Variants in CFH observed in about 807,000 individuals in gnomAD.
CFH encodes the protein H factor 1 (complement).
CFH carries 53 observed loss-of-function variants against 147.3 expected under a neutral mutation model. That is an observed-to-expected ratio of 0.36 (90% CI 0.29 to 0.45). The LOEUF is 0.45. CFH is among the 20% of genes least tolerant of loss of function. CFH has a pLI of 1.00. For synonymous variants in CFH, 536 were observed against 489.4 expected (o/e 1.10, Z -1.26); for missense variants, 1,380 against 1,498.0 (o/e 0.92, Z 1.30).
intron 1 of CFH, among the ~76,000 whole-genome samples, chr1:196,671,587 TACACACACACACAC>T (rs551313147): frequency 5.3e-4 from 69 of 129,490 alleles, no homozygotes; most frequent in Non-Finnish European, 9.1e-4. Context: ...AAAAGACTAA[TACACACACACACAC>T]ACACACACAC....
chr1:196,677,762 C>A, intron 5 of CFH, 95 bp downstream of exon 5: 3 of 1,174,352 alleles, frequency 2.6e-6, no homozygotes, highest in Non-Finnish European at 3.8e-6. Flanking sequence ...GCAATATTAA[C>A]AATAGCTAAT....
intron 9 of CFH, among the ~76,000 whole-genome samples, chr1:196,709,426 TCTC>T: frequency 6.6e-6 from 1 of 152,146 alleles, no homozygotes; most frequent in East Asian, 1.9e-4. Flanking sequence ...ATCCTGACTC[TCTC>T]TCTGTGCCCC....
chr1:196,690,767 G>A lies in CFH; in HGVS notation c.1336+528G>A, dbSNP rs553715929. Among the ~76,000 whole-genome samples, 521 of 152,216 alleles carry A rather than the reference G, an allele frequency of 3.4e-3. 6 individuals carry two copies. The highest frequency in any genetic ancestry group is 0.012 in the African/African-American group (496 of 41,542). On this transcript the variant is annotated intron_variant, in intron 9 of 21. Coordinates refer to ENST00000367429, the MANE Select transcript of CFH (RefSeq NM_000186.4). ...GTGTCTGATTTACATAGGGCCCAAAGATTGGTTAAACTAGGTGTGACATTT... is the reference window on the plus strand; with the variant it reads ...GTGTCTGATTTACATAGGGCCCAAAAATTGGTTAAACTAGGTGTGACATTT...
chr1:196,722,529 C>A (rs1016364065), intron 11 of CFH, among the ~76,000 whole-genome samples: 1 of 152,058 alleles, frequency 6.6e-6, no homozygotes, highest in African/African-American at 2.4e-5. Flanking sequence ...TTTTCCCGTT[C>A]ACATTGACTT....
chr1:196,744,309 C>T (rs967965942), intron 20 of CFH, among the ~76,000 whole-genome samples: 3 of 151,826 alleles, frequency 2.0e-5, no homozygotes, highest in African/African-American at 7.3e-5. Flanking sequence ...TGCACTTGGA[C>T]CATTTACACT....
intron 9 of CFH, among the ~76,000 whole-genome samples, chr1:196,710,462 G>C (rs994641177): frequency 4.6e-5 from 7 of 152,168 alleles, no homozygotes; most frequent in Middle Eastern, 3.4e-3. Flanking sequence ...ATTCTTCCAC[G>C]TGTTTGTCCT....
rs575989334 is a variant in CFH at position 196,661,881 on chromosome 1, G to T, written c.58+9706G>T. Among the ~76,000 whole-genome samples, 10 of 151,734 alleles carry T rather than the reference G, an allele frequency of 6.6e-5. 1 individual carries two copies. The South Asian group carries it at 2.1e-3, about 32-fold the overall frequency. ...ATCTACCTACTTAAAAAGAGGTTTT[G>T]TTTTGTTTGTTTTGTTTTGTTTTGT... On this transcript the variant is annotated intron_variant, in intron 1 of 21. Coordinates refer to ENST00000367429, the MANE Select transcript of CFH (RefSeq NM_000186.4).
chr1:196,653,313 G>T (rs1476446048), intron 1 of CFH, among the ~76,000 whole-genome samples: 1 of 151,616 alleles, frequency 6.6e-6, no homozygotes. Flanking sequence ...TTTAAATGAA[G>T]AAAACAATTA....
chr1:196,657,772 T>C (rs1394341196), intron 1 of CFH, among the ~76,000 whole-genome samples: 3 of 152,208 alleles, frequency 2.0e-5, no homozygotes, highest in African/African-American at 7.2e-5. Context: ...AGAAGTAGGC[T>C]ATTTAAAAAA....
Position 196,713,834 on chromosome 1 carries a change from T to C in CFH, c.1436T>C (p.Leu479Pro), listed in dbSNP as rs1230063532. The C allele has an allele frequency of 8.1e-6, 13 of 1,612,604 alleles. No individual in the cohort carries two copies. The highest frequency in any genetic ancestry group is 1.1e-5 in the Non-Finnish European group (13 of 1,179,052). Residue 479 changes from leucine to proline, a missense_variant, in exon 10 of 22, where the codon CTA becomes CCA. By Grantham distance (98) the Leu-to-Pro change is moderately conservative (BLOSUM62 -3). Transcript: ENST00000367429. ...GAAAAAGCGAAATATCAATGCAAAC[T>C]AGGATATGTAACAGCAGATGGTGAA... ...LKEKAKYQCK[L>P]GYVTADGETS...
intron 4 of CFH, chr1:196,677,240 C>G (rs1387319388): frequency 2.3e-6 from 1 of 433,532 alleles, no homozygotes; most frequent in Non-Finnish European, 4.2e-6. Flanking sequence ...TACAAGCTAG[C>G]ATTGAAAGTA....
intron 1 of CFH, among the ~76,000 whole-genome samples, chr1:196,664,989 C>T (rs1667033124): frequency 6.6e-6 from 1 of 151,480 alleles, no homozygotes; most frequent in Non-Finnish European, 1.5e-5. Flanking sequence ...TTTATATTAC[C>T]TAATTTTCCA....
At chr1:196,729,528 T>C (rs1669232731) in intron 15 of CFH, among the ~76,000 whole-genome samples, 1 of 151,994 alleles carries the variant, frequency 6.6e-6, no homozygotes, top group Non-Finnish European at 1.5e-5. Context: ...CCTATGTTCA[T>C]CAGGGGATTT....
intron 9 of CFH, among the ~76,000 whole-genome samples, chr1:196,696,600 A>T (rs1003052884): frequency 2.6e-5 from 4 of 152,220 alleles, no homozygotes; most frequent in African/African-American, 9.6e-5. Flanking sequence ...CTTTGGCAGC[A>T]TGCCATCCCC....
intron 1 of CFH, 60 bp downstream of exon 1, chr1:196,652,235 T>C: frequency 7.8e-7 from 1 of 1,286,526 alleles, no homozygotes; most frequent in South Asian, 1.2e-5. Flanking sequence ...CTAATGATGC[T>C]TTTCACAGGA....
chr1:196,700,143 T>G (rs934007602), intron 9 of CFH, among the ~76,000 whole-genome samples: 11 of 152,152 alleles, frequency 7.2e-5, no homozygotes, highest in Admixed American at 2.0e-4. Context: ...TTCAGCCCCC[T>G]TACCCGAATC....
At chr1:196,675,161 G>T (rs1213593142) in intron 3 of CFH, among the ~76,000 whole-genome samples, 1 of 152,034 alleles carries the variant, frequency 6.6e-6, no homozygotes, top group Non-Finnish European at 1.5e-5. Flanking sequence ...ACTTGACTTG[G>T]CTAAGGAGAT....
At chr1:196,736,559 G>A (rs907460439) in intron 15 of CFH, among the ~76,000 whole-genome samples, 1 of 151,562 alleles carries the variant, frequency 6.6e-6, no homozygotes, top group African/African-American at 2.4e-5. Flanking sequence ...ATTAAACAAA[G>A]AATATATGAA....
chr1:196,654,590 C>T (rs1243611712), intron 1 of CFH, among the ~76,000 whole-genome samples: 1 of 152,038 alleles, frequency 6.6e-6, no homozygotes, highest in South Asian at 2.1e-4. Flanking sequence ...TATATTATGA[C>T]CAAGCAGATT....
Sources: gnomAD v4.1 joint callset for allele counts (sites outside exome capture counted in the v4.1 genomes callset) on GRCh38, gnomAD v4.1.1 for gene constraint, MANE v1.5 for transcripts, NCBI Gene and HGNC (gene_info 2026-07-23, HGNC 2026-07-21) for gene names.